PIR: variants seen among roughly 807,000 people sequenced by gnomAD.
PIR encodes the protein pirin (iron-binding nuclear protein).
PIR carries 22 observed loss-of-function variants against 24.2 expected under a neutral mutation model. The ratio of observed to expected loss-of-function variants is 0.91; its 90% confidence interval spans 0.65 to 1.30. The LOEUF (loss-of-function observed/expected upper bound fraction) is 1.30, where lower values mean the gene tolerates loss of function less well. PIR is among the 50% of genes most tolerant of loss of function. PIR has a pLI of 0.00. For synonymous variants in PIR, 80 were observed against 79.6 expected (o/e 1.00, Z -0.03); for missense variants, 220 against 220.3 (o/e 1.00, Z 0.01).
chrX:15,400,873 G>A (rs1330101561), intron 7 of PIR, among the ~76,000 whole-genome samples: 2 of 107,662 alleles, frequency 1.9e-5, no homozygotes, highest in Non-Finnish European at 3.8e-5. Context: ...TGAGTAGCTG[G>A]GACTACAGGC....
At chrX:15,466,006 G>GTTTTTTTTTTTTTTTTTT (rs200803758) in intron 3 of PIR, among the ~76,000 whole-genome samples, 13 of 63,125 alleles carry the variant, frequency 2.1e-4, no homozygotes, top group African/African-American at 5.6e-4. Context: ...AATGGTGGCT[G>GTTTTTTTTTTTTTTTTTT]TTTTTTTTTT....
At chrX:15,460,091 TAAC>T (rs1014750568) in intron 3 of PIR, among the ~76,000 whole-genome samples, 35 of 111,585 alleles carry the variant, frequency 3.1e-4, no homozygotes, top group Admixed American at 2.9e-4. Flanking sequence ...AGTCAAAAGA[TAAC>T]AAGTGTTGGT....
rs537618595 is a variant in PIR, at chrX:15,455,673, T to C, written c.480+175A>G. On this transcript the variant is annotated intron_variant, in intron 5 of 9. Transcript: ENST00000380420. ...TAATTTTCCTAACTCTATGGGTTTG[T>C]AGGCAGGAAAAATTTCTGAGTTTTC... Among the ~76,000 whole-genome samples, 37 of 112,633 alleles carry C rather than the reference T, an allele frequency of 3.3e-4. No individual in the cohort carries two copies. In the South Asian group the frequency reaches 0.013, roughly 39 times the overall value.
intron 6 of PIR, among the ~76,000 whole-genome samples, chrX:15,412,513 C>T (rs1924776615): frequency 8.9e-6 from 1 of 111,950 alleles, no homozygotes; most frequent in African/African-American, 3.2e-5. Flanking sequence ...AAGATAAAAA[C>T]CATACAGGTG....
intron 6 of PIR, among the ~76,000 whole-genome samples, chrX:15,418,004 G>A (rs962043961): frequency 8.9e-6 from 1 of 111,739 alleles, no homozygotes; most frequent in Non-Finnish European, 1.9e-5. Context: ...TCTTTGGGGG[G>A]ACATTATTTT....
chrX:15,451,399 A>G (rs965849986), intron 5 of PIR, among the ~76,000 whole-genome samples: 15 of 109,753 alleles, frequency 1.4e-4, no homozygotes, highest in Admixed American at 1.4e-3. Flanking sequence ...TCACATTTAA[A>G]GAAAAAAAAA....
At chrX:15,390,347 G>A (rs1602239107) in intron 8 of PIR, 96 bp from the exon 9 acceptor site, 5 of 480,287 alleles carry the variant, frequency 1.0e-5, no homozygotes, top group Non-Finnish European at 1.8e-5. Context: ...CCAAATAGGC[G>A]ATGTTCCTAA....
chrX:15,426,640 A>G (rs1172694758), intron 5 of PIR, among the ~76,000 whole-genome samples: 3 of 112,542 alleles, frequency 2.7e-5, no homozygotes, highest in Non-Finnish European at 5.6e-5. Flanking sequence ...AACTGTTGCT[A>G]CAAACTTTAT....
At chrX:15,462,328 G>A (rs1317028094) in intron 3 of PIR, among the ~76,000 whole-genome samples, 1 of 111,802 alleles carries the variant, frequency 8.9e-6, no homozygotes, top group Non-Finnish European at 1.9e-5. Context: ...TCAGGACATG[G>A]GCTCTTTTTG....
intron 5 of PIR, among the ~76,000 whole-genome samples, chrX:15,449,535 AC>A (rs1926216643): frequency 8.9e-6 from 1 of 112,209 alleles, no homozygotes; most frequent in Admixed American, 9.5e-5. Context: ...TCAGAAAGAA[AC>A]ATAAATTGCA....
intron 2 of PIR, 140 bp downstream of exon 2, chrX:15,491,022 T>C (rs1432283352): frequency 4.5e-6 from 2 of 441,851 alleles, no homozygotes; most frequent in East Asian, 7.4e-5. Flanking sequence ...TTGCCCCCAA[T>C]TGCAAACTTT....
Position 15,384,927 on chromosome X carries a change from A to G in PIR, c.*77T>C. 1 of 502,807 alleles carries G rather than the reference A, an allele frequency of 2.0e-6. No homozygotes were observed. Among genetic ancestry groups the G allele is most frequent in the Admixed American group, 3.1e-5 (1 of 32,655 alleles). 41.4% of individuals were successfully genotyped at this position (502,807 alleles called of 1,213,427 possible). ...AGCACCGGCTAAATAAGCTTTAGAA[A>G]TGGAATGCCTTCAATGGCTCAATCT... On this transcript the variant is annotated 3_prime_UTR_variant, in exon 10 of 10. Coordinates refer to ENST00000380420, the MANE Select transcript of PIR (RefSeq NM_001018109.3).
intron 6 of PIR, among the ~76,000 whole-genome samples, chrX:15,412,213 G>A (rs1461636513): frequency 9.0e-6 from 1 of 111,599 alleles, no homozygotes; most frequent in Non-Finnish European, 1.9e-5. Flanking sequence ...CCCAACCTGC[G>A]ATCACACGCT....
intron 2 of PIR, among the ~76,000 whole-genome samples, chrX:15,481,831 T>G (rs1412315628): frequency 8.9e-6 from 1 of 111,932 alleles, no homozygotes. Flanking sequence ...ACAAAAAAAT[T>G]GTCTTGCATT....
chrX:15,446,561 G>A (rs1002804158), intron 5 of PIR, among the ~76,000 whole-genome samples: 4 of 111,870 alleles, frequency 3.6e-5, no homozygotes, highest in South Asian at 3.8e-4. Context: ...GTCCTGGGCC[G>A]CGAGTTGAAT....
intron 7 of PIR, among the ~76,000 whole-genome samples, chrX:15,407,205 A>G: frequency 8.9e-6 from 1 of 111,965 alleles, no homozygotes; most frequent in Non-Finnish European, 1.9e-5. Context: ...CCATCCCTTT[A>G]TCAGTATGGA....
At chrX:15,389,137 C>T (rs1171216106) in intron 9 of PIR, among the ~76,000 whole-genome samples, 1 of 111,745 alleles carries the variant, frequency 8.9e-6, no homozygotes, top group African/African-American at 3.3e-5. Flanking sequence ...CATGTTTTTC[C>T]CACCTAAATG....
intron 2 of PIR, among the ~76,000 whole-genome samples, chrX:15,480,374 C>T (rs1024043475): frequency 9.9e-5 from 11 of 111,490 alleles, no homozygotes; most frequent in South Asian, 3.7e-4. Flanking sequence ...CAAGGATTTA[C>T]GGATTGTGTT....
chrX:15,476,912 C>T (rs1922225983), intron 3 of PIR, among the ~76,000 whole-genome samples: 1 of 111,540 alleles, frequency 9.0e-6, no homozygotes, highest in Non-Finnish European at 1.9e-5. Context: ...ATGGCAGATG[C>T]TTAATGAGGC....
Sources: allele counts gnomAD v4.1 joint callset (sites outside exome capture counted in the v4.1 genomes callset), GRCh38; gene constraint gnomAD v4.1.1; transcripts MANE v1.5; gene names NCBI Gene and HGNC (gene_info 2026-07-23, HGNC 2026-07-21).